The following CILK1 variants were observed in gnomAD, a reference collection of about 807,000 sequenced individuals.
CILK1 encodes serine/threonine-protein kinase ICK.
CILK1 carries 47 observed loss-of-function variants against 79.2 expected under a neutral mutation model. That is an observed-to-expected ratio of 0.59 (90% CI 0.47 to 0.76). CILK1 has a LOEUF of 0.76. Ranked by LOEUF, CILK1 falls within the 30% of genes least tolerant of loss-of-function variation. CILK1 has a pLI of 0.00. For missense variants in CILK1, 660 were observed against 769.5 expected, an observed-to-expected ratio of 0.86 and a Z score of 1.68; for synonymous variants, 266 against 275.9, an observed-to-expected ratio of 0.96 and a Z score of 0.36.
intron 1 of CILK1, among the ~76,000 whole-genome samples, chr6:53,058,213 A>G (rs970687539): frequency 3.3e-5 from 5 of 152,150 alleles, no homozygotes; most frequent in Non-Finnish European, 4.4e-5. Context: ...TTTTCCTAAT[A>G]TTGGACAGCA....
At chr6:53,019,183 T>C (rs1422428620) in intron 6 of CILK1, 44 bp downstream of exon 6, 1 of 1,560,328 alleles carries the variant, frequency 6.4e-7, no homozygotes, top group East Asian at 2.2e-5. Flanking sequence ...TGATATCTTT[T>C]TAAAGAAGTG....
chr6:53,021,877 A>C (rs1235543804), intron 5 of CILK1, among the ~76,000 whole-genome samples: 3 of 151,992 alleles, frequency 2.0e-5, no homozygotes, highest in Non-Finnish European at 1.5e-5. Context: ...TTATCATGGG[A>C]GATGACAGCT....
intron 1 of CILK1, among the ~76,000 whole-genome samples, chr6:53,053,609 T>C (rs1259060300): frequency 1.3e-5 from 2 of 152,332 alleles, no homozygotes; most frequent in East Asian, 3.9e-4. Context: ...AGGCTGACTG[T>C]ACCAAACTTA....
intron 1 of CILK1, among the ~76,000 whole-genome samples, chr6:53,059,227 G>C (rs937731259): frequency 6.6e-6 from 1 of 152,070 alleles, no homozygotes; most frequent in African/African-American, 2.4e-5. Flanking sequence ...GGTGAAACTG[G>C]GGGGGAGCAT....
chr6:53,021,796 TAAA>T (rs550651378), intron 5 of CILK1, among the ~76,000 whole-genome samples: 2 of 136,340 alleles, frequency 1.5e-5, no homozygotes, highest in Admixed American at 7.5e-5. Context: ...TTCTACTTAC[TAAA>T]AAAAAAAAAA....
At chr6:53,011,407 G>A (rs1764562407) in intron 11 of CILK1, among the ~76,000 whole-genome samples, 2 of 152,146 alleles carry the variant, frequency 1.3e-5, no homozygotes, top group South Asian at 4.1e-4. Flanking sequence ...AGACCAGCCT[G>A]GCCAATATGG....
chr6:53,019,500 C>G, intron 5 of CILK1, 141 bp from the exon 6 acceptor site: 1 of 841,050 alleles, frequency 1.2e-6, no homozygotes, highest in Non-Finnish European at 1.9e-6. Flanking sequence ...ATTCATCCCA[C>G]AGATAATGTA....
intron 3 of CILK1, among the ~76,000 whole-genome samples, chr6:53,036,973 C>A (rs1009598805): frequency 4.6e-5 from 7 of 152,016 alleles, no homozygotes; most frequent in Non-Finnish European, 1.0e-4. Context: ...TCAATATGAC[C>A]TTTTAGTCCT....
intron 8 of CILK1, among the ~76,000 whole-genome samples, chr6:53,015,201 C>T (rs911306334): frequency 3.9e-5 from 6 of 152,176 alleles, no homozygotes; most frequent in Non-Finnish European, 8.8e-5. Flanking sequence ...TAGAATTGGT[C>T]ACTTATATGA....
In CILK1 at chr6:53,012,134, C is replaced by T; in HGVS notation, c.1246G>A (p.Asp416Asn). 6.2e-7 allele frequency: 1 copy of T among 1,614,212 alleles called. No individual in the cohort carries two copies. The highest frequency in any genetic ancestry group is 8.5e-7 in the Non-Finnish European group (1 of 1,180,030). Residue 416 changes from aspartate to asparagine, a missense_variant, in exon 10 of 14, where the codon GAT (aspartate) becomes AAT (asparagine). Physicochemically the swap from Asp to Asn is conservative, Grantham distance 23. Transcript: ENST00000676107. ...AAGTCATCCAAGTCAGCCCAATCAT[C>T]TGAATCCTTTGTTGACCTGGAAATA... Reference protein sequence around the residue: ...GLISRSTKDSDDWADLDDLDF... With the variant: ...GLISRSTKDSNDWADLDDLDF...
intron 1 of CILK1, among the ~76,000 whole-genome samples, chr6:53,058,428 AT>A (rs1381934605): frequency 2.6e-5 from 4 of 152,124 alleles, no homozygotes; most frequent in African/African-American, 9.7e-5. Flanking sequence ...TTACTAGGTA[AT>A]TTTCTAGAAC....
intron 1 of CILK1, among the ~76,000 whole-genome samples, chr6:53,056,606 A>G (rs1285457541): frequency 6.6e-6 from 1 of 152,236 alleles, no homozygotes. Flanking sequence ...CCCCTAGGTT[A>G]CAGGGCTACA....
At chr6:53,046,262 C>A (rs1767067364) in intron 1 of CILK1, among the ~76,000 whole-genome samples, 1 of 152,168 alleles carries the variant, frequency 6.6e-6, no homozygotes, top group South Asian at 2.1e-4. Context: ...TTAATAGTAA[C>A]CTATATTACA....
At chr6:53,053,881 C>T (rs1300642253) in intron 1 of CILK1, among the ~76,000 whole-genome samples, 2 of 152,022 alleles carry the variant, frequency 1.3e-5, no homozygotes, top group African/African-American at 2.4e-5. Flanking sequence ...TCTCTTGGTC[C>T]TTGAGTTTAC....
At chr6:53,022,567 C>T (rs964596938) in intron 5 of CILK1, among the ~76,000 whole-genome samples, 4 of 152,230 alleles carry the variant, frequency 2.6e-5, no homozygotes, top group African/African-American at 9.6e-5. Context: ...GTTTGCACAA[C>T]AACAAAATTG....
chr6:53,016,143 T>C lies in CILK1; in HGVS notation c.771A>G (p.Ala257=). The C allele has an allele frequency of 1.2e-6, 2 of 1,614,162 alleles. No individual in the cohort carries two copies. Among genetic ancestry groups the C allele is most frequent in the African/African-American group, 2.7e-5 (2 of 75,060 alleles). Residue 257 remains alanine (A), a synonymous_variant, in exon 8 of 14, where the codon GCA becomes GCG. Coordinates refer to ENST00000676107, the MANE Select transcript of CILK1 (RefSeq NM_014920.5). ...KTLIPNASSE[A]VQLLRDMLQW... Reference sequence around the variant, plus strand: ...GAAGCATGTCTCTCAGGAGCTGGACTGCTTCACTGCTAGCATTGGGAATCA... The same window carrying C: ...GAAGCATGTCTCTCAGGAGCTGGACCGCTTCACTGCTAGCATTGGGAATCA...
Position 53,041,153 on chromosome 6 carries a change from C to G in CILK1, c.84G>C (p.Glu28Asp), listed in dbSNP as rs56194620. 6.2e-7 allele frequency: 1 copy of G among 1,612,444 alleles called. No homozygotes were observed. Among genetic ancestry groups the G allele is most frequent in the Non-Finnish European group, 8.5e-7 (1 of 1,178,570 alleles). The change falls in exon 2 of 14, where the codon GAG (glutamate) becomes GAC (aspartate). Residue 28 changes from glutamate (E) to aspartate (D), a missense_variant. Transcript: ENST00000676107. Reference protein sequence around the residue: ...VLLGRSIESGELIAIKKMKRK... With the variant: ...VLLGRSIESGDLIAIKKMKRK... ...AAACTTACTTTTTAATAGCGATCAGCTCCCCAGACTCAATGCTTCTTCCCA... is the reference window on the plus strand; with the variant it reads ...AAACTTACTTTTTAATAGCGATCAGGTCCCCAGACTCAATGCTTCTTCCCA...
intron 3 of CILK1, among the ~76,000 whole-genome samples, chr6:53,035,047 G>A (rs1258544075): frequency 2.6e-5 from 4 of 152,154 alleles, no homozygotes; most frequent in Admixed American, 6.5e-5. Context: ...TGGAGAAGTG[G>A]GCAGGGCGCA....
chr6:53,025,295 C>T (rs1765502832), intron 5 of CILK1, among the ~76,000 whole-genome samples: 1 of 152,146 alleles, frequency 6.6e-6, no homozygotes, highest in Non-Finnish European at 1.5e-5. Context: ...AGCCCCTACC[C>T]ACTATGGCAA....
Sources: allele counts gnomAD v4.1 joint callset (sites outside exome capture counted in the v4.1 genomes callset), GRCh38; gene constraint gnomAD v4.1.1; transcripts MANE v1.5; gene names NCBI Gene and HGNC (gene_info 2026-07-23, HGNC 2026-07-21).